The following ATP9A variants were observed in gnomAD, a reference collection of about 807,000 sequenced individuals.
ATP9A encodes ATPase phospholipid transporting 9A, also known as probable phospholipid-transporting ATPase IIA.
A neutral mutation model predicts 144.1 loss-of-function variants in ATP9A; 52 were observed. That is an observed-to-expected ratio of 0.36 (90% CI 0.29 to 0.45). The LOEUF is 0.45. Ranked by LOEUF, ATP9A falls within the 20% of genes least tolerant of loss-of-function variation. ATP9A has a pLI of 1.00. For missense variants in ATP9A, 947 were observed against 1,392.7 expected (o/e 0.68, Z 5.09); for synonymous variants, 582 against 557.4 (o/e 1.04, Z -0.62).
chr20:51,747,366 C>A (rs1321387939), intron 1 of ATP9A, among the ~76,000 whole-genome samples: 1 of 152,012 alleles, frequency 6.6e-6, no homozygotes, highest in Non-Finnish European at 1.5e-5. Context: ...ATGGGAGATG[C>A]ACGAGGATGT....
chr20:51,610,151 G>A lies in ATP9A; in HGVS notation c.2586C>T (p.Ser862=), dbSNP rs571897124. The A allele has an allele frequency of 2.0e-5, 32 of 1,610,148 alleles. No homozygotes were observed. The African/African-American group carries it at 2.5e-4, about 13-fold the overall frequency. ...GAGGGACGGAGGCAAAGTAAAACACGGAGGAAAAGACAGCCTGTGCCAAGG... is the reference window on the plus strand; with the variant it reads ...GAGGGACGGAGGCAAAGTAAAACACAGAGGAAAAGACAGCCTGTGCCAAGG... ...CISTMQAVFS[S]VFYFASVPLY... is the part of the protein sequence containing the mutation. The change falls in exon 24 of 28, where the codon TCC becomes TCT. Residue 862 remains serine (S), a synonymous_variant. Transcript: ENST00000338821.
chr20:51,668,307 C>T (rs1020865919), intron 13 of ATP9A, among the ~76,000 whole-genome samples: 1 of 151,582 alleles, frequency 6.6e-6, no homozygotes, highest in Non-Finnish European at 1.5e-5. Context: ...CTAAGACAAG[C>T]AGCCCTGGGA....
At chr20:51,618,585 G>A in intron 21 of ATP9A, 77 bp downstream of exon 21, 1 of 1,523,206 alleles carries the variant, frequency 6.6e-7, no homozygotes, top group Non-Finnish European at 8.8e-7. Context: ...GAGCAGCAGT[G>A]TCCAAATATC....
chr20:51,759,843 C>T (rs1431258417), intron 1 of ATP9A, among the ~76,000 whole-genome samples: 2 of 152,068 alleles, frequency 1.3e-5, no homozygotes, highest in Non-Finnish European at 2.9e-5. Context: ...TCTGTATTTG[C>T]AAATTCACCA....
chr20:51,644,869 G>C (rs1163180788), intron 14 of ATP9A, among the ~76,000 whole-genome samples: 1 of 152,052 alleles, frequency 6.6e-6, no homozygotes. Flanking sequence ...TGAAAAGTCT[G>C]TGATACTGGG....
At chr20:51,653,950 C>T (rs564272326) in intron 14 of ATP9A, among the ~76,000 whole-genome samples, 7 of 152,230 alleles carry the variant, frequency 4.6e-5, no homozygotes, top group African/African-American at 1.4e-4. Context: ...TCTCTGACAT[C>T]GCTATTCCAC....
intron 24 of ATP9A, among the ~76,000 whole-genome samples, chr20:51,609,467 G>A (rs1440559933): frequency 1.3e-5 from 2 of 152,048 alleles, no homozygotes; most frequent in Non-Finnish European, 2.9e-5. Context: ...CTGTATCTAG[G>A]GCACTCGGTA....
intron 4 of ATP9A, among the ~76,000 whole-genome samples, chr20:51,707,461 C>T (rs1192487907): frequency 6.6e-6 from 1 of 152,138 alleles, no homozygotes; most frequent in African/African-American, 2.4e-5. Flanking sequence ...ATGCCAAGTC[C>T]CAAGGCACAG....
At chr20:51,604,188 A>T (rs1369744565) in intron 27 of ATP9A, among the ~76,000 whole-genome samples, 1 of 51,128 alleles carries the variant, frequency 2.0e-5, no homozygotes, top group Non-Finnish European at 5.4e-5. Flanking sequence ...CACTCACTTA[A>T]TGTGTGTTTA....
At chr20:51,750,166 A>T (rs1401058839) in intron 1 of ATP9A, among the ~76,000 whole-genome samples, 1 of 152,082 alleles carries the variant, frequency 6.6e-6, no homozygotes, top group African/African-American at 2.4e-5. Context: ...CAAAATAAAT[A>T]AAAATAATAA....
chr20:51,606,218 C>T (rs566585725), intron 26 of ATP9A, among the ~76,000 whole-genome samples: 31 of 152,182 alleles, frequency 2.0e-4, no homozygotes, highest in Non-Finnish European at 3.4e-4. Flanking sequence ...AATGGCGCCA[C>T]TGCACTCCAG....
chr20:51,728,797 C>G (rs1161225702), intron 2 of ATP9A, among the ~76,000 whole-genome samples: 1 of 152,088 alleles, frequency 6.6e-6, no homozygotes, highest in African/African-American at 2.4e-5. Context: ...ACCTTGAACT[C>G]GACTATATAA....
chr20:51,622,325 C>T (rs949695935), intron 18 of ATP9A, among the ~76,000 whole-genome samples, 153 bp from the exon 19 acceptor site: 3 of 152,178 alleles, frequency 2.0e-5, no homozygotes, highest in Non-Finnish European at 2.9e-5. Flanking sequence ...ACACAGCAAG[C>T]GCCCTGGCTG....
In ATP9A at chr20:51,618,844, G is replaced by A. The variant is rs1451979473; in HGVS notation, c.2206-38C>T. The A allele has an allele frequency of 3.2e-6, 5 of 1,579,886 alleles. No individual in the cohort carries two copies. In the African/African-American group the frequency reaches 6.7e-5, roughly 21 times the overall value. On this transcript the variant is annotated intron_variant, in intron 20 of 27. Transcript: ENST00000338821. ...GGGAGAGGTGGTGCGTTGGTGGAGGGAGAGGTGGTGCGTTGGTGGAGGTCG... is the reference window on the plus strand; with the variant it reads ...GGGAGAGGTGGTGCGTTGGTGGAGGAAGAGGTGGTGCGTTGGTGGAGGTCG...
At chr20:51,627,071 A>AG (rs1242190108) in intron 17 of ATP9A, among the ~76,000 whole-genome samples, 118 of 151,550 alleles carry the variant, frequency 7.8e-4, no homozygotes, top group Middle Eastern at 3.4e-3. Context: ...AAAAAAAAAA[A>AG]AAGAAGAAGA....
At chr20:51,751,358 C>G (rs1225538443) in intron 1 of ATP9A, among the ~76,000 whole-genome samples, 1 of 149,078 alleles carries the variant, frequency 6.7e-6, no homozygotes, top group South Asian at 2.1e-4. Context: ...CCCCTGGACT[C>G]AAGGGATCCT....
intron 1 of ATP9A, among the ~76,000 whole-genome samples, chr20:51,760,720 C>T (rs34822960): frequency 0.054 from 5,431 of 101,132 alleles, 172 homozygotes; most frequent in African/African-American, 0.12. Flanking sequence ...AGCAAGACTC[C>T]GTCTCAAAAA....
At chr20:51,692,015 T>G (rs1272912294) in intron 7 of ATP9A, among the ~76,000 whole-genome samples, 2 of 152,214 alleles carry the variant, frequency 1.3e-5, no homozygotes, top group African/African-American at 4.8e-5. Context: ...AACTAGGTGA[T>G]TCCACTTATA....
At position 51,760,656 on chromosome 20, in the gene ATP9A, G is replaced by A. The variant is rs371552737; in HGVS notation, c.68+7646C>T. ...GCAGGAGAATCACTTGAACTGGGAG[G>A]TGGAGGTTGCAGTGAGCCAAGATCA... On this transcript the variant is annotated intron_variant, in intron 1 of 27. Transcript: ENST00000338821. 4.6e-5 allele frequency among the ~76,000 whole-genome samples: 7 copies of A among 151,294 alleles called. No individual in the cohort carries two copies. In the East Asian group the frequency reaches 1.2e-3, roughly 25 times the overall value.
Sources: gnomAD v4.1 joint callset for allele counts (sites outside exome capture counted in the v4.1 genomes callset) on GRCh38, gnomAD v4.1.1 for gene constraint, MANE v1.5 for transcripts, NCBI Gene and HGNC (gene_info 2026-07-23, HGNC 2026-07-21) for gene names.